The following ATP8B4 variants were observed in gnomAD, a reference collection of about 807,000 sequenced individuals.
ATP8B4 encodes probable phospholipid-transporting ATPase IM.
ATP8B4 carries 133 observed loss-of-function variants against 145.6 expected under a neutral mutation model. The observed-to-expected ratio is 0.91, with a 90% CI of 0.79 to 1.05. The LOEUF (loss-of-function observed/expected upper bound fraction) is 1.05, where lower values mean the gene tolerates loss of function less well. Ranked by LOEUF, ATP8B4 falls within the 50% of genes least tolerant of loss-of-function variation. The pLI is 0.00. For synonymous variants in ATP8B4, 507 were observed against 492.9 expected, an observed-to-expected ratio of 1.03 and a Z score of -0.38; for missense variants, 1,458 against 1,425.2, an observed-to-expected ratio of 1.02 and a Z score of -0.37.
intron 3 of ATP8B4, among the ~76,000 whole-genome samples, chr15:50,061,673 T>C (rs996081890): frequency 1.2e-4 from 18 of 152,294 alleles, no homozygotes; most frequent in African/African-American, 4.3e-4. Context: ...TAGGTTTAGA[T>C]CTACTTAACA....
chr15:50,017,575 T>G (rs143953795), intron 6 of ATP8B4, among the ~76,000 whole-genome samples: 79 of 152,334 alleles, frequency 5.2e-4, no homozygotes, highest in African/African-American at 1.8e-3. Flanking sequence ...AGGCCTATGT[T>G]ATATTTTTTC....
At chr15:50,001,953 C>T (rs896946001) in intron 8 of ATP8B4, among the ~76,000 whole-genome samples, 200 bp downstream of exon 8, 6 of 152,108 alleles carry the variant, frequency 3.9e-5, no homozygotes, top group African/African-American at 1.4e-4. Flanking sequence ...ATATAAGTTT[C>T]GCTCACTGTT....
rs1567410582 is a variant in ATP8B4, at chr15:50,156,107, A to ATAAATAT, written c.-43+26153_-43+26154insATATTTA. Among the ~76,000 whole-genome samples the ATAAATAT allele has an allele frequency of 7.4e-5, 2 of 27,116 alleles. 1 individual carries two copies. Among genetic ancestry groups the ATAAATAT allele is most frequent in the African/African-American group, 2.1e-4 (2 of 9,464 alleles). 17.8% of individuals were successfully genotyped at this position (27,116 alleles called of 152,430 possible). A position where few individuals can be genotyped will look rare whatever the true frequency, so the allele number is the denominator to read the frequency against. ...ATATATATATAAATATATATATATA[A>ATAAATAT]ATATATATATAAATATATTTATATA... On this transcript the variant is annotated intron_variant, in intron 1 of 3. Coordinates refer to the ATP8B4 transcript ENST00000558829.
rs2033841655 is a variant in ATP8B4, at chr15:49,872,711, G to C, written c.3027+3567C>G. On this transcript the variant is annotated intron_variant, in intron 25 of 27. Transcript: ENST00000284509. The stretch of plus-strand genomic sequence containing the variant: ...CTTCAAAAGTGTCAAGGTCATGAAA[G>C]ACAAGCAAAGACTATAGAACTGTCA... Among the ~76,000 whole-genome samples the C allele has an allele frequency of 2.6e-5, 4 of 152,142 alleles. No individual in the cohort carries two copies. The South Asian group carries it at 8.3e-4, about 32-fold the overall frequency.
intron 23 of ATP8B4, among the ~76,000 whole-genome samples, chr15:49,889,467 C>T (rs565704749): frequency 6.6e-6 from 1 of 152,350 alleles, no homozygotes; most frequent in Non-Finnish European, 1.5e-5. Context: ...TCAAGCCAAT[C>T]ACAACATAAG....
chr15:49,965,864 C>T (rs145559729), intron 13 of ATP8B4, among the ~76,000 whole-genome samples: 1 of 152,284 alleles, frequency 6.6e-6, no homozygotes, highest in East Asian at 1.9e-4. Context: ...TGGTCCGTAG[C>T]TCCCAATGAG....
intron 1 of ATP8B4, among the ~76,000 whole-genome samples, chr15:50,151,223 A>G (rs935888637): frequency 1.2e-4 from 19 of 152,244 alleles, no homozygotes; most frequent in African/African-American, 7.2e-5. Flanking sequence ...GAACTCAAAA[A>G]CAATGCACAG....
Position 50,152,518 on chromosome 15 carries a change from A to G in ATP8B4, c.-43+29743T>C, listed in dbSNP as rs1295706016. ...TTTGACAATTAAGCCTAATTATTTA[A>G]TATCTCTACAAGATGAGAGATACAG... On this transcript the variant is annotated intron_variant, in intron 1 of 3. Transcript: ENST00000558829. Among the ~76,000 whole-genome samples, 8 of 152,284 alleles carry G rather than the reference A, an allele frequency of 5.3e-5. No individual in the cohort carries two copies. In the East Asian group the frequency reaches 1.5e-3, roughly 29 times the overall value.
intron 22 of ATP8B4, among the ~76,000 whole-genome samples, 188 bp downstream of exon 22, chr15:49,897,880 A>G (rs2037582556): frequency 6.6e-6 from 1 of 152,212 alleles, no homozygotes; most frequent in Admixed American, 6.5e-5. Flanking sequence ...CAAATGGTTT[A>G]TTTAAAGACA....
chr15:50,180,168 C>T (rs2044824380), intron 1 of ATP8B4, among the ~76,000 whole-genome samples: 1 of 152,094 alleles, frequency 6.6e-6, no homozygotes, highest in African/African-American at 2.4e-5. Context: ...GAAATGGGCG[C>T]ATAATCCAGT....
chr15:50,022,903 T>C (rs923962746), intron 6 of ATP8B4, among the ~76,000 whole-genome samples: 1 of 152,244 alleles, frequency 6.6e-6, no homozygotes, highest in Admixed American at 6.5e-5. Flanking sequence ...TCATTATTCA[T>C]TGGCACTACT....
At chr15:50,098,824 G>T (rs1366306385) in intron 2 of ATP8B4, among the ~76,000 whole-genome samples, 2 of 151,974 alleles carry the variant, frequency 1.3e-5, no homozygotes, top group Non-Finnish European at 2.9e-5. Context: ...TAGGGCCCAT[G>T]ATATTTTCAA....
At position 49,978,997 on chromosome 15, in the gene ATP8B4, A is replaced by G. The variant is rs527936775; in HGVS notation, c.1034+620T>C. Among the ~76,000 whole-genome samples, 264 of 151,958 alleles carry G rather than the reference A, an allele frequency of 1.7e-3. 2 individuals carry two copies. Among genetic ancestry groups the G allele is most frequent in the African/African-American group, 6.2e-3 (257 of 41,446 alleles). On this transcript the variant is annotated intron_variant, in intron 12 of 27. Coordinates refer to ENST00000284509, the MANE Select transcript of ATP8B4 (RefSeq NM_024837.4). ...GACTAGCACCACCTACTATATTTTA[A>G]CTCCTTTATGTACATACTTATAGTT...
rs1472693297 is a variant in ATP8B4 at position 50,138,403 on chromosome 15, G to GAC, written c.-42-31396_-42-31395insGT. Reference sequence around the variant, plus strand: ...TCCATGATAGACAGACAGACAGACAGAGAGATGATAGATAGATAGAGAGAT... The same window carrying GAC: ...TCCATGATAGACAGACAGACAGACAGACAGAGATGATAGATAGATAGAGAGAT... On this transcript the variant is annotated intron_variant, in intron 1 of 3. Coordinates refer to the ATP8B4 transcript ENST00000558829. Among the ~76,000 whole-genome samples the GAC allele has an allele frequency of 3.9e-4, 16 of 41,344 alleles. No individual in the cohort carries two copies. The East Asian group carries it at 6.7e-3, about 17-fold the overall frequency. The allele number at this position is 41,344 out of a possible 152,430, so 27.1% of individuals were successfully genotyped here.
At chr15:49,984,216 T>C (rs1248422188) in intron 10 of ATP8B4, among the ~76,000 whole-genome samples, 3 of 152,186 alleles carry the variant, frequency 2.0e-5, no homozygotes, top group African/African-American at 7.2e-5. Context: ...CTAGTAAGTG[T>C]CAGAGCGAGA....
intron 18 of ATP8B4, 59 bp from the exon 19 acceptor site, chr15:49,919,009 C>G (rs2153453173): frequency 8.2e-7 from 1 of 1,219,168 alleles, no homozygotes; most frequent in East Asian, 2.4e-5. Flanking sequence ...TCTATAACAT[C>G]TATGGATTTC....
intron 8 of ATP8B4, among the ~76,000 whole-genome samples, chr15:49,998,576 T>C (rs2047618012): frequency 6.6e-6 from 1 of 152,206 alleles, no homozygotes; most frequent in South Asian, 2.1e-4. Context: ...CACCCACTTT[T>C]TGATGAGGTT....
chr15:50,106,271 G>A (rs971223580), intron 2 of ATP8B4, among the ~76,000 whole-genome samples: 2 of 152,080 alleles, frequency 1.3e-5, no homozygotes, highest in African/African-American at 4.8e-5. Flanking sequence ...GTCCACTGAA[G>A]GAAAAAGTAC....
rs572755510 is a variant in ATP8B4 at position 49,886,660 on chromosome 15, C to T, written c.2698-7201G>A. 2.0e-5 allele frequency among the ~76,000 whole-genome samples: 3 copies of T among 152,268 alleles called. No homozygotes were observed. The South Asian group carries it at 6.2e-4, about 32-fold the overall frequency. On this transcript the variant is annotated intron_variant, in intron 23 of 27. Transcript: ENST00000284509. ...TTCATGAATACTTAATTATTTCAAT[C>T]ACTGTTCACTCTAATTCTGGTTTTT... is the stretch of plus-strand genomic sequence containing the variant.
Sources: gnomAD v4.1 joint callset for allele counts (sites outside exome capture counted in the v4.1 genomes callset) on GRCh38, gnomAD v4.1.1 for gene constraint, MANE v1.5 for transcripts, NCBI Gene and HGNC (gene_info 2026-07-23, HGNC 2026-07-21) for gene names.